Variants in LCLAT1 observed in about 807,000 individuals in gnomAD.
LCLAT1 encodes the protein lysocardiolipin acyltransferase 1.
LCLAT1 carries 11 observed loss-of-function variants against 30.7 expected under a neutral mutation model. The observed-to-expected ratio is 0.36, with a 90% CI of 0.23 to 0.59. The LOEUF (loss-of-function observed/expected upper bound fraction) is 0.59, where lower values mean the gene tolerates loss of function less well. Ranked by LOEUF, LCLAT1 falls within the 20% of genes least tolerant of loss-of-function variation. The pLI is 0.77. For missense variants in LCLAT1, 402 were observed against 458.6 expected (o/e 0.88, Z 1.13); for synonymous variants, 155 against 151.3 (o/e 1.02, Z -0.18).
At chr2:30,585,133 T>A (rs749469594) in intron 5 of LCLAT1, among the ~76,000 whole-genome samples, 1 of 152,122 alleles carries the variant, frequency 6.6e-6, no homozygotes, top group African/African-American at 2.4e-5. Context: ...GCTATCTGCC[T>A]TATTGCCTTC....
chr2:30,640,158 C>G lies in LCLAT1; in HGVS notation c.670C>G (p.Pro224Ala). 6.2e-7 allele frequency: 1 copy of G among 1,613,878 alleles called. No individual in the cohort carries two copies. Among genetic ancestry groups the G allele is most frequent in the Non-Finnish European group, 8.5e-7 (1 of 1,179,890 alleles). ...TGTCCATGATATCACTGTGGCGTAT[C>G]CTCACAACATTCCTCAATCAGAGAA... ...DAVHDITVAYPHNIPQSEKHL... is the reference protein window; with the variant it reads ...DAVHDITVAYAHNIPQSEKHL... Residue 224 changes from proline to alanine, a missense_variant, in exon 6 of 6, where the codon CCT becomes GCT. Transcript: ENST00000379509.
intron 1 of LCLAT1, among the ~76,000 whole-genome samples, chr2:30,484,156 T>C (rs1683454349): frequency 6.6e-6 from 1 of 152,176 alleles, no homozygotes; most frequent in Non-Finnish European, 1.5e-5. Flanking sequence ...TGCTGATCCA[T>C]CATATTCTCT....
chr2:30,552,072 A>G (rs1664705312), intron 3 of LCLAT1, among the ~76,000 whole-genome samples: 2 of 152,224 alleles, frequency 1.3e-5, no homozygotes, highest in Admixed American at 1.3e-4. Flanking sequence ...CCATATGTTA[A>G]TTGCTACTGG....
chr2:30,534,761 C>G (rs985924379), intron 3 of LCLAT1, among the ~76,000 whole-genome samples: 2 of 152,114 alleles, frequency 1.3e-5, no homozygotes, highest in African/African-American at 4.8e-5. Context: ...CAGTATCACT[C>G]CTATCATATG....
Position 30,487,896 on chromosome 2 carries a change from C to A in LCLAT1, c.-4-37691C>A, listed in dbSNP as rs569475059. ...GGGCCAAGTGCTGAGCCCAGGTGAA[C>A]CAGGTAAGGAGAGCAGACCACAAGC... On this transcript the variant is annotated intron_variant, in intron 1 of 5. Transcript: ENST00000379509. 7.9e-5 allele frequency among the ~76,000 whole-genome samples: 12 copies of A among 152,228 alleles called. No individual in the cohort carries two copies. In the East Asian group the frequency reaches 2.1e-3, roughly 27 times the overall value.
intron 5 of LCLAT1, among the ~76,000 whole-genome samples, chr2:30,622,994 C>T (rs1668337016): frequency 6.6e-6 from 1 of 151,270 alleles, no homozygotes. Flanking sequence ...AGAAGTTCGA[C>T]TATTAAGCTA....
chr2:30,618,062 C>A (rs1231948244), intron 5 of LCLAT1, among the ~76,000 whole-genome samples: 1 of 152,074 alleles, frequency 6.6e-6, no homozygotes, highest in East Asian at 1.9e-4. Flanking sequence ...GTTGCCTAGT[C>A]CAGGTCACAA....
intron 1 of LCLAT1, among the ~76,000 whole-genome samples, chr2:30,490,963 T>C (rs1683808236): frequency 6.6e-6 from 1 of 152,224 alleles, no homozygotes; most frequent in Non-Finnish European, 1.5e-5. Flanking sequence ...GTTAATTATT[T>C]TGGATTGATT....
At chr2:30,501,220 A>T (rs1451861804) in intron 1 of LCLAT1, among the ~76,000 whole-genome samples, 1 of 151,864 alleles carries the variant, frequency 6.6e-6, no homozygotes, top group East Asian at 1.9e-4. Context: ...CACCCAGTTA[A>T]AGCCTTTTTC....
At chr2:30,603,701 A>G (rs1485354294) in intron 5 of LCLAT1, among the ~76,000 whole-genome samples, 1 of 152,170 alleles carries the variant, frequency 6.6e-6, no homozygotes, top group South Asian at 2.1e-4. Flanking sequence ...CAGGATTATT[A>G]TGTTGAAGGA....
chr2:30,456,513 G>A (rs1405821943), intron 1 of LCLAT1, among the ~76,000 whole-genome samples: 1 of 151,766 alleles, frequency 6.6e-6, no homozygotes, highest in Non-Finnish European at 1.5e-5. Flanking sequence ...TTGCAGCCTT[G>A]TAAGGGTGGA....
At chr2:30,510,872 C>T (rs763482277) in intron 1 of LCLAT1, among the ~76,000 whole-genome samples, 8 of 152,086 alleles carry the variant, frequency 5.3e-5, no homozygotes, top group Non-Finnish European at 1.0e-4. Flanking sequence ...CTTTCAGTAG[C>T]TCTTTTATTC....
chr2:30,634,009 A>G (rs1159685253), intron 5 of LCLAT1, among the ~76,000 whole-genome samples: 2 of 152,260 alleles, frequency 1.3e-5, no homozygotes, highest in Non-Finnish European at 2.9e-5. Context: ...TGATGTGCTC[A>G]GAGACACTTC....
At chr2:30,586,558 G>A (rs536754239) in intron 5 of LCLAT1, among the ~76,000 whole-genome samples, 2 of 152,236 alleles carry the variant, frequency 1.3e-5, no homozygotes, top group Non-Finnish European at 2.9e-5. Flanking sequence ...TTTAGAAATA[G>A]GTTCTTTGCA....
rs1669443347 is a variant in LCLAT1 at position 30,644,036 on chromosome 2, T to C, written c.*3417T>C. 6.6e-6 allele frequency: 1 copy of C among 152,220 alleles called. No homozygotes were observed. Among genetic ancestry groups the C allele is most frequent in the Non-Finnish European group, 1.5e-5 (1 of 68,034 alleles). 9.4% of individuals were successfully genotyped at this position (152,220 alleles called of 1,614,324 possible). On this transcript the variant is annotated 3_prime_UTR_variant, in exon 6 of 6. Transcript: ENST00000379509. The stretch of plus-strand genomic sequence containing the variant: ...GCCCTAAAGTTATCCTGTACCTGCA[T>C]TAAATTTTCATTTTAGAAGAGAATC...
chr2:30,586,270 G>A (rs1315045249), intron 5 of LCLAT1, among the ~76,000 whole-genome samples: 2 of 149,746 alleles, frequency 1.3e-5, no homozygotes, highest in African/African-American at 4.9e-5. Flanking sequence ...AAACCCAGTA[G>A]GAATTTATTC....
chr2:30,594,293 A>ATACTT (rs941546438), intron 5 of LCLAT1, among the ~76,000 whole-genome samples: 9 of 152,054 alleles, frequency 5.9e-5, no homozygotes, highest in African/African-American at 9.7e-5. Flanking sequence ...GTTTTTTCCG[A>ATACTT]TACTTTAATG....
chr2:30,579,826 G>A (rs956147356), intron 5 of LCLAT1, among the ~76,000 whole-genome samples: 3 of 152,020 alleles, frequency 2.0e-5, no homozygotes, highest in African/African-American at 7.2e-5. Context: ...CTCCAAACCT[G>A]GTGAGTACAT....
intron 3 of LCLAT1, among the ~76,000 whole-genome samples, chr2:30,542,879 A>G (rs980886107): frequency 6.6e-6 from 1 of 151,312 alleles, no homozygotes; most frequent in Non-Finnish European, 1.5e-5. Context: ...TGTGGGTTCC[A>G]TAGGGTTTCT....
Sources: allele counts gnomAD v4.1 joint callset (sites outside exome capture counted in the v4.1 genomes callset), GRCh38; gene constraint gnomAD v4.1.1; transcripts MANE v1.5; gene names NCBI Gene and HGNC (gene_info 2026-07-23, HGNC 2026-07-21).